CYP7B1: variants seen among roughly 807,000 people sequenced by gnomAD.
The protein encoded by CYP7B1 is cytochrome P450 7B1.
A neutral mutation model predicts 42.7 loss-of-function variants in CYP7B1; 29 were observed. The ratio of observed to expected loss-of-function variants is 0.68; its 90% CI spans 0.51 to 0.93. The LOEUF (loss-of-function observed/expected upper bound fraction) is 0.93, where lower values mean the gene tolerates loss of function less well. Ranked by LOEUF, CYP7B1 falls within the 40% of genes least tolerant of loss-of-function variation. The probability of loss-of-function intolerance (pLI) is 0.00; values close to 1 mark genes in which losing one functional copy is unlikely to be tolerated. For synonymous variants in CYP7B1, 235 were observed against 218.2 expected, an observed-to-expected ratio of 1.08 and a Z score of -0.68; for missense variants, 655 against 600.5, an observed-to-expected ratio of 1.09 and a Z score of -0.95.
chr8:64,645,366 C>A (rs934699373), intron 1 of CYP7B1, among the ~76,000 whole-genome samples: 2 of 152,090 alleles, frequency 1.3e-5, no homozygotes, highest in Admixed American at 1.3e-4. Context: ...AACTAGTTTA[C>A]AGTCCAACCA....
At chr8:64,686,272 G>A (rs1806641971) in intron 1 of CYP7B1, among the ~76,000 whole-genome samples, 1 of 56,508 alleles carries the variant, frequency 1.8e-5, no homozygotes, top group Non-Finnish European at 4.0e-5. Context: ...CGTCCGGGAG[G>A]GAGGTGGGGG....
At chr8:64,709,274 A>G (rs1484394732) in intron 1 of CYP7B1, among the ~76,000 whole-genome samples, 1 of 152,208 alleles carries the variant, frequency 6.6e-6, no homozygotes, top group Admixed American at 6.5e-5. Context: ...AAAAAGCTTG[A>G]TCAACAATAA....
intron 1 of CYP7B1, among the ~76,000 whole-genome samples, chr8:64,711,433 G>T (rs1303364574): frequency 6.6e-6 from 1 of 152,214 alleles, no homozygotes; most frequent in Non-Finnish European, 1.5e-5. Context: ...GGGACAAATG[G>T]TGGCGCTACA....
intron 1 of CYP7B1, among the ~76,000 whole-genome samples, chr8:64,695,603 CTTTTTTTTTTTTTT>C (rs35575527): frequency 2.0e-4 from 20 of 100,144 alleles, no homozygotes; most frequent in East Asian, 1.9e-3. Context: ...TATCAAATTC[CTTTTTTTTTTTTTT>C]TTTTTTTTTT....
At chr8:64,741,854 T>A (rs1323305028) in intron 1 of CYP7B1, among the ~76,000 whole-genome samples, 2 of 152,280 alleles carry the variant, frequency 1.3e-5, no homozygotes, top group African/African-American at 4.8e-5. Flanking sequence ...ATTAAAGATA[T>A]AAATATATGG....
chr8:64,786,806 C>G (rs570819864), intron 1 of CYP7B1, among the ~76,000 whole-genome samples: 1 of 152,368 alleles, frequency 6.6e-6, no homozygotes, highest in East Asian at 1.9e-4. Flanking sequence ...GGCTCCACCC[C>G]TGTAACACAC....
intron 1 of CYP7B1, among the ~76,000 whole-genome samples, chr8:64,690,730 G>A (rs930298494): frequency 5.3e-5 from 8 of 152,132 alleles, no homozygotes; most frequent in African/African-American, 9.7e-5. Flanking sequence ...ATTGTGAAAC[G>A]AGAAAGCATT....
At chr8:64,754,089 A>T (rs919543994) in intron 1 of CYP7B1, among the ~76,000 whole-genome samples, 20 of 152,190 alleles carry the variant, frequency 1.3e-4, no homozygotes, top group Admixed American at 1.2e-3. Flanking sequence ...ATACACAACC[A>T]TGTCCATGCA....
chr8:64,615,929 G>GT lies in CYP7B1; in HGVS notation c.611dup (p.Asp204GlufsTer7). On this transcript the variant is annotated frameshift_variant, in exon 3 of 6. Coordinates refer to ENST00000310193, the MANE Select transcript of CYP7B1 (RefSeq NM_004820.5). LOFTEE classifies it high-confidence loss of function. ...TTAGCTCACTAATAAATTTGTTGTT[G>GT]TCACAAACAATAACTTTTCCATATA... 1 of 1,613,482 alleles carries GT rather than the reference G, an allele frequency of 6.2e-7. No individual in the cohort carries two copies. Among genetic ancestry groups the GT allele is most frequent in the Non-Finnish European group, 8.5e-7 (1 of 1,179,696 alleles).
At chr8:64,726,373 C>A (rs922971874) in intron 1 of CYP7B1, among the ~76,000 whole-genome samples, 1 of 152,160 alleles carries the variant, frequency 6.6e-6, no homozygotes, top group African/African-American at 2.4e-5. Flanking sequence ...TAATAGAAAT[C>A]AGCTTAGAAA....
At chr8:64,612,937 C>T (rs1805383617) in intron 4 of CYP7B1, among the ~76,000 whole-genome samples, 2 of 152,108 alleles carry the variant, frequency 1.3e-5, no homozygotes, top group African/African-American at 4.8e-5. Context: ...TGAGCTATGA[C>T]TATGTGCAGA....
intron 1 of CYP7B1, among the ~76,000 whole-genome samples, chr8:64,705,093 T>G (rs1806973479): frequency 6.6e-6 from 1 of 151,962 alleles, no homozygotes; most frequent in South Asian, 2.1e-4. Context: ...AAGGGATAAG[T>G]CACCTCCTCC....
intron 1 of CYP7B1, among the ~76,000 whole-genome samples, chr8:64,662,753 T>A (rs891156440): frequency 6.6e-6 from 1 of 152,130 alleles, no homozygotes; most frequent in Non-Finnish European, 1.5e-5. Context: ...CTACAAGATA[T>A]ATGTGCTTTT....
Position 64,687,459 on chromosome 8 carries a change from G to C in CYP7B1, c.123-62920C>G, listed in dbSNP as rs547963201. On this transcript the variant is annotated intron_variant, in intron 1 of 5. Transcript: ENST00000310193. ...GTGGCTGCCAACAGAGTTTTTTCTG[G>C]GGTGATGAAAATGTTCTAAAATGAA... 2.6e-5 allele frequency among the ~76,000 whole-genome samples: 4 copies of C among 152,182 alleles called. No individual in the cohort carries two copies. The East Asian group carries it at 7.7e-4, about 29-fold the overall frequency.
chr8:64,755,988 T>A (rs1054956615), intron 1 of CYP7B1, among the ~76,000 whole-genome samples: 1 of 152,196 alleles, frequency 6.6e-6, no homozygotes, highest in African/African-American at 2.4e-5. Flanking sequence ...GGGCTGGCTT[T>A]GACCTGCAGG....
At chr8:64,776,890 G>A (rs1334608379) in intron 1 of CYP7B1, among the ~76,000 whole-genome samples, 1 of 152,058 alleles carries the variant, frequency 6.6e-6, no homozygotes, top group Non-Finnish European at 1.5e-5. Context: ...GTGCCCTTCA[G>A]TTTAGATAAT....
intron 4 of CYP7B1, 56 bp from the exon 5 acceptor site, chr8:64,604,913 C>T: frequency 6.4e-7 from 1 of 1,561,792 alleles, no homozygotes; most frequent in Middle Eastern, 1.7e-4. Flanking sequence ...CTGAAAACTG[C>T]TCTCAGTTTG....
At chr8:64,699,114 C>T (rs1438983609) in intron 1 of CYP7B1, among the ~76,000 whole-genome samples, 1 of 152,100 alleles carries the variant, frequency 6.6e-6, no homozygotes. Flanking sequence ...GTCACTTTAC[C>T]TGGAGAAATA....
At chr8:64,764,229 G>GCTCCCCCCCCCC (rs1554539986) in intron 1 of CYP7B1, among the ~76,000 whole-genome samples, 15 of 125,150 alleles carry the variant, frequency 1.2e-4, no homozygotes, top group African/African-American at 4.6e-4. Context: ...CTTCCACGCT[G>GCTCCCCCCCCCC]CCCCCCCCAC....
Sources: allele counts gnomAD v4.1 joint callset (sites outside exome capture counted in the v4.1 genomes callset), GRCh38; gene constraint gnomAD v4.1.1; transcripts MANE v1.5; gene names NCBI Gene and HGNC (gene_info 2026-07-23, HGNC 2026-07-21).